Variants in CADM2 observed in about 807,000 individuals in gnomAD.
CADM2 encodes immunoglobulin superfamily member 4D.
Under a neutral mutation model 49.8 loss-of-function variants are expected in CADM2, and 12 were observed. The observed-to-expected ratio is 0.24, with a 90% CI of 0.15 to 0.39. The LOEUF is 0.39. Among genes scored for constraint, CADM2 ranks in the 10% least tolerant of loss-of-function variants. CADM2 has a pLI of 1.00. For missense variants in CADM2, 378 were observed against 492.3 expected, an observed-to-expected ratio of 0.77 and a Z score of 2.20; for synonymous variants, 214 against 175.4, an observed-to-expected ratio of 1.22 and a Z score of -1.74.
At chr3:85,324,077 A>G (rs1038866364) in intron 1 of CADM2, among the ~76,000 whole-genome samples, 1 of 152,230 alleles carries the variant, frequency 6.6e-6, no homozygotes, top group Non-Finnish European at 1.5e-5. Flanking sequence ...CTTCAGCACC[A>G]GGAGGACAGA....
intron 1 of CADM2, among the ~76,000 whole-genome samples, chr3:85,182,661 C>T (rs1208914411): frequency 1.3e-5 from 2 of 151,948 alleles, no homozygotes; most frequent in East Asian, 1.9e-4. Flanking sequence ...AAGCTAACAT[C>T]GGGGAAACTG....
chr3:85,942,020 C>G (rs1428324103), intron 7 of CADM2, among the ~76,000 whole-genome samples: 3 of 152,052 alleles, frequency 2.0e-5, no homozygotes, highest in Non-Finnish European at 1.5e-5. Flanking sequence ...TGATCTTTCC[C>G]AGTAACACAG....
At chr3:85,527,225 A>G (rs2061181144) in intron 1 of CADM2, among the ~76,000 whole-genome samples, 1 of 151,774 alleles carries the variant, frequency 6.6e-6, no homozygotes, top group Non-Finnish European at 1.5e-5. Context: ...TCTCTACAAA[A>G]TATTTAAAAA....
chr3:86,056,982 T>G (rs1464226165), intron 8 of CADM2, among the ~76,000 whole-genome samples: 1 of 152,230 alleles, frequency 6.6e-6, no homozygotes, highest in African/African-American at 2.4e-5. Context: ...TGATGTAGCC[T>G]TAATTTAAAA....
chr3:85,479,485 A>G (rs1576628466), intron 1 of CADM2, among the ~76,000 whole-genome samples: 1 of 151,904 alleles, frequency 6.6e-6, no homozygotes, highest in African/African-American at 2.4e-5. Flanking sequence ...GAGAAATAAT[A>G]GGTTCAAAAG....
intron 2 of CADM2, among the ~76,000 whole-genome samples, chr3:85,791,755 A>T (rs1410640956): frequency 6.6e-6 from 1 of 151,972 alleles, no homozygotes; most frequent in African/African-American, 2.4e-5. Flanking sequence ...ACAGACTCTC[A>T]CTTTGTCACC....
chr3:85,957,198 G>C (rs1419826649), intron 7 of CADM2, among the ~76,000 whole-genome samples: 2 of 151,654 alleles, frequency 1.3e-5, no homozygotes, highest in African/African-American at 4.8e-5. Context: ...AATTCAAATA[G>C]CAGTTAAAAG....
chr3:85,886,053 A>G, intron 4 of CADM2, 137 bp from the exon 5 acceptor site: 1 of 1,285,982 alleles, frequency 7.8e-7, no homozygotes, highest in Non-Finnish European at 1.1e-6. Flanking sequence ...GCAGTTTATT[A>G]CATAGTAGTT....
intron 1 of CADM2, among the ~76,000 whole-genome samples, chr3:85,709,125 A>G (rs1228757200): frequency 1.3e-5 from 2 of 152,130 alleles, no homozygotes. Flanking sequence ...AGATCTCTAA[A>G]CACATGTTAT....
At chr3:85,458,722 C>T (rs2038106766) in intron 1 of CADM2, among the ~76,000 whole-genome samples, 1 of 152,150 alleles carries the variant, frequency 6.6e-6, no homozygotes, top group South Asian at 2.1e-4. Flanking sequence ...AGATTCTACA[C>T]TCTTCCTCTT....
At chr3:85,257,369 G>A (rs559185796) in intron 1 of CADM2, among the ~76,000 whole-genome samples, 6 of 152,008 alleles carry the variant, frequency 3.9e-5, no homozygotes, top group African/African-American at 1.4e-4. Context: ...TACCTATATA[G>A]TATATTCTAC....
At chr3:85,607,663 T>A (rs779746377) in intron 1 of CADM2, among the ~76,000 whole-genome samples, 1 of 152,018 alleles carries the variant, frequency 6.6e-6, no homozygotes, top group Non-Finnish European at 1.5e-5. Flanking sequence ...TAATTATTTT[T>A]TTTTTTTCTC....
At chr3:85,101,432 T>C (rs368183393) in intron 1 of CADM2, among the ~76,000 whole-genome samples, 2 of 152,276 alleles carry the variant, frequency 1.3e-5, no homozygotes. Flanking sequence ...CAAAAAAAGA[T>C]GAAAAGTAGA....
intron 1 of CADM2, among the ~76,000 whole-genome samples, chr3:85,008,135 G>T (rs1010862975): frequency 6.6e-6 from 1 of 152,192 alleles, no homozygotes; most frequent in African/African-American, 2.4e-5. Flanking sequence ...TATGTCTGCA[G>T]TTGGCACCAA....
At chr3:85,891,782 A>C (rs1714465494) in intron 5 of CADM2, among the ~76,000 whole-genome samples, 1 of 152,190 alleles carries the variant, frequency 6.6e-6, no homozygotes, top group African/African-American at 2.4e-5. Flanking sequence ...GTCTCAAGGA[A>C]ATTAATTTAC....
chr3:85,778,113 T>C (rs1402604630), intron 2 of CADM2, among the ~76,000 whole-genome samples: 1 of 152,070 alleles, frequency 6.6e-6, no homozygotes, highest in East Asian at 1.9e-4. Context: ...GAGGAAAACA[T>C]TTGGAAATGT....
At chr3:85,782,661 AAAAAAAGAAAAAAAAAAG>A (rs1327800768) in intron 2 of CADM2, among the ~76,000 whole-genome samples, 8 of 151,686 alleles carry the variant, frequency 5.3e-5, no homozygotes, top group Non-Finnish European at 1.0e-4. Context: ...GTCTCAAAAA[AAAAAAAGAAAAAAAAAAG>A]AAAAAAGAAA....
At chr3:85,385,799 TC>T (rs1312002650) in intron 1 of CADM2, 2 of 74,250 alleles carry the variant, frequency 2.7e-5, no homozygotes, top group African/African-American at 9.6e-5. Flanking sequence ...TTTCTCTCTC[TC>T]TTTTTTTTTT....
intron 1 of CADM2, among the ~76,000 whole-genome samples, chr3:85,311,428 T>C (rs1184492308): frequency 6.6e-6 from 1 of 151,520 alleles, no homozygotes; most frequent in East Asian, 1.9e-4. Flanking sequence ...CAGGCTGGAG[T>C]GCAGTGGCGC....
Sources: gnomAD v4.1 joint callset for allele counts (sites outside exome capture counted in the v4.1 genomes callset) on GRCh38, gnomAD v4.1.1 for gene constraint, MANE v1.5 for transcripts, NCBI Gene and HGNC (gene_info 2026-07-23, HGNC 2026-07-21) for gene names.